The following ADAMTS6 variants were observed in gnomAD, a reference collection of about 807,000 sequenced individuals.
ADAMTS6 encodes ADAM metallopeptidase with thrombospondin type 1 motif 6, also known as A disintegrin and metalloproteinase with thrombospondin motifs 6.
Under a neutral mutation model 144.3 loss-of-function variants are expected in ADAMTS6, and 23 were observed. That is an observed-to-expected ratio of 0.16 (90% CI 0.11 to 0.23). The LOEUF is 0.23. Among genes scored for constraint, ADAMTS6 ranks in the 10% least tolerant of loss-of-function variants. The probability of loss-of-function intolerance (pLI) is 1.00; values close to 1 mark genes in which losing one functional copy is unlikely to be tolerated. For synonymous variants in ADAMTS6, 444 were observed against 457.5 expected (o/e 0.97, Z 0.38); for missense variants, 999 against 1,379.6 (o/e 0.72, Z 4.37).
intron 7 of ADAMTS6, among the ~76,000 whole-genome samples, chr5:65,417,467 A>G (rs569512561): frequency 7.9e-5 from 12 of 152,312 alleles, no homozygotes; most frequent in Non-Finnish European, 1.8e-4. Flanking sequence ...ATATAATCCT[A>G]TATTTAGAAA....
intron 15 of ADAMTS6, among the ~76,000 whole-genome samples, chr5:65,238,288 CA>C (rs1193340973): frequency 6.6e-6 from 1 of 151,850 alleles, no homozygotes; most frequent in African/African-American, 2.4e-5. Flanking sequence ...GACTGTTTAA[CA>C]AAAAAATTCT....
intron 11 of ADAMTS6, among the ~76,000 whole-genome samples, chr5:65,279,516 C>T (rs1177393752): frequency 6.6e-6 from 1 of 151,956 alleles, no homozygotes; most frequent in Non-Finnish European, 1.5e-5. Flanking sequence ...AGGGTTTCAC[C>T]ACATTGGCCA....
At position 65,470,810 on chromosome 5, in the gene ADAMTS6, T is replaced by C. The variant is rs1580786726; in HGVS notation, c.430A>G (p.Thr144Ala). 6.3e-7 allele frequency: 1 copy of C among 1,597,846 alleles called. No homozygotes were observed. ...ACACAGTTGCTTAAAGCCACTTTAGTTGTACTACGTTGATCTTGCAAATAT... is the reference window on the plus strand; with the variant it reads ...ACACAGTTGCTTAAAGCCACTTTAGCTGTACTACGTTGATCTTGCAAATAT... ...TGYLQDQRSTTKVALSNCVGL... is the reference protein window; with the variant it reads ...TGYLQDQRSTAKVALSNCVGL... The change falls in exon 3 of 25, where the codon ACT (threonine) becomes GCT (alanine). Residue 144 changes from threonine (T) to alanine (A), a missense_variant. Coordinates refer to ENST00000381055, the MANE Select transcript of ADAMTS6 (RefSeq NM_197941.4).
At chr5:65,250,083 T>C (rs1325526954) in intron 14 of ADAMTS6, among the ~76,000 whole-genome samples, 1 of 152,224 alleles carries the variant, frequency 6.6e-6, no homozygotes, top group Non-Finnish European at 1.5e-5. Flanking sequence ...TGCTAAGCTT[T>C]AGTTTCCTCT....
At chr5:65,310,264 T>C (rs536049316) in intron 9 of ADAMTS6, among the ~76,000 whole-genome samples, 2 of 152,268 alleles carry the variant, frequency 1.3e-5, no homozygotes, top group East Asian at 3.9e-4. Context: ...CGTGAGCCAA[T>C]TAAGTTTCTT....
At chr5:65,168,103 T>G (rs1379593171) in intron 24 of ADAMTS6, among the ~76,000 whole-genome samples, 1 of 151,452 alleles carries the variant, frequency 6.6e-6, no homozygotes, top group Admixed American at 6.6e-5. Flanking sequence ...TGTCCCTGTT[T>G]GCAGACGACA....
At chr5:65,215,059 C>G (rs1756815883) in intron 19 of ADAMTS6, 127 bp from the exon 20 acceptor site, 6 of 1,231,918 alleles carry the variant, frequency 4.9e-6, no homozygotes, top group Non-Finnish European at 6.7e-6. Flanking sequence ...AAAACACATG[C>G]ATTTATATCA....
At chr5:65,384,243 G>A (rs1458626114) in intron 7 of ADAMTS6, among the ~76,000 whole-genome samples, 1 of 152,168 alleles carries the variant, frequency 6.6e-6, no homozygotes, top group Non-Finnish European at 1.5e-5. Flanking sequence ...TAGCCAGGCT[G>A]AGAATTTTCC....
At chr5:65,164,714 TC>T (rs1363451231) in intron 24 of ADAMTS6, among the ~76,000 whole-genome samples, 1 of 144,530 alleles carries the variant, frequency 6.9e-6, no homozygotes, top group Non-Finnish European at 1.5e-5. Flanking sequence ...CTCAAGTGGG[TC>T]CCTGACCCCT....
In ADAMTS6 at chr5:65,222,151, C is replaced by T. The variant is rs139681745; in HGVS notation, c.2272+2169G>A. 4.0e-3 allele frequency among the ~76,000 whole-genome samples: 611 copies of T among 152,122 alleles called. 5 individuals carry two copies. Among genetic ancestry groups the T allele is most frequent in the African/African-American group, 0.014 (593 of 41,502 alleles). ...ATATGTATATAGAAATATAAAGGAC[C>T]TAGAAAAGCAAAAATAATGTTGAAA... On this transcript the variant is annotated intron_variant, in intron 18 of 24. Transcript: ENST00000381055.
At chr5:65,388,521 CACTGCGTG>C (rs1293922456) in intron 7 of ADAMTS6, among the ~76,000 whole-genome samples, 2 of 152,174 alleles carry the variant, frequency 1.3e-5, no homozygotes, top group Non-Finnish European at 2.9e-5. Context: ...TGTACTTTCT[CACTGCGTG>C]ACCTGATGCA....
intron 11 of ADAMTS6, among the ~76,000 whole-genome samples, chr5:65,288,660 C>A (rs1393568244): frequency 1.3e-5 from 2 of 152,098 alleles, no homozygotes; most frequent in Non-Finnish European, 2.9e-5. Flanking sequence ...TCATGAGAGA[C>A]CTGCTAGTTG....
At chr5:65,189,320 T>A (rs1297055991) in intron 21 of ADAMTS6, among the ~76,000 whole-genome samples, 2 of 152,158 alleles carry the variant, frequency 1.3e-5, no homozygotes, top group Non-Finnish European at 2.9e-5. Context: ...CTAAATCAGA[T>A]CAATGAGAAT....
At chr5:65,435,121 T>C (rs1757290870) in intron 7 of ADAMTS6, among the ~76,000 whole-genome samples, 1 of 152,192 alleles carries the variant, frequency 6.6e-6, no homozygotes, top group African/African-American at 2.4e-5. Flanking sequence ...TGCAGTTTTT[T>C]AGATAGTATA....
At chr5:65,155,560 A>G (rs968129401) in intron 24 of ADAMTS6, among the ~76,000 whole-genome samples, 1 of 152,222 alleles carries the variant, frequency 6.6e-6, no homozygotes, top group African/African-American at 2.4e-5. Context: ...CCACCTTTGT[A>G]TATGTAGTCT....
At chr5:65,369,944 T>G (rs1313554391) in intron 7 of ADAMTS6, among the ~76,000 whole-genome samples, 4 of 152,150 alleles carry the variant, frequency 2.6e-5, no homozygotes, top group African/African-American at 9.7e-5. Context: ...AAGTTATTTT[T>G]TTTTCCTTTA....
intron 3 of ADAMTS6, among the ~76,000 whole-genome samples, chr5:65,467,811 G>A (rs1760139607): frequency 1.3e-5 from 2 of 152,114 alleles, no homozygotes; most frequent in Admixed American, 1.3e-4. Context: ...TGTAAACTCA[G>A]AAAGAGAAAG....
chr5:65,455,046 A>G (rs1759071635), intron 4 of ADAMTS6, among the ~76,000 whole-genome samples: 1 of 152,236 alleles, frequency 6.6e-6, no homozygotes, highest in Non-Finnish European at 1.5e-5. Context: ...CTCTGTGATC[A>G]TAAAACCACT....
At chr5:65,409,045 C>G (rs200187072) in intron 7 of ADAMTS6, among the ~76,000 whole-genome samples, 8 of 152,098 alleles carry the variant, frequency 5.3e-5, no homozygotes, top group Admixed American at 1.3e-4. Flanking sequence ...CAAGAGAAAG[C>G]AGGAAAGATC....
Sources: gnomAD v4.1 joint callset for allele counts (sites outside exome capture counted in the v4.1 genomes callset) on GRCh38, gnomAD v4.1.1 for gene constraint, MANE v1.5 for transcripts, NCBI Gene and HGNC (gene_info 2026-07-23, HGNC 2026-07-21) for gene names.